Variants in ATP13A2 observed in about 807,000 individuals in gnomAD.
ATP13A2 encodes the protein polyamine-transporting ATPase 13A2.
A neutral mutation model predicts 138.3 loss-of-function variants in ATP13A2; 83 were observed. The ratio of observed to expected loss-of-function variants is 0.60; its 90% CI spans 0.50 to 0.72. The LOEUF (loss-of-function observed/expected upper bound fraction) is 0.72. Among genes scored for constraint, ATP13A2 ranks in the 30% least tolerant of loss-of-function variants. ATP13A2 has a pLI of 0.00. For missense variants in ATP13A2, 1,402 were observed against 1,606.4 expected, an observed-to-expected ratio of 0.87 and a Z score of 2.17; for synonymous variants, 663 against 699.0, an observed-to-expected ratio of 0.95 and a Z score of 0.81.
rs1224812478 is a variant in ATP13A2, at chr1:17,002,054, G to T, written c.685C>A (p.Pro229Thr). 4 of 1,613,186 alleles carry T rather than the reference G, an allele frequency of 2.5e-6. No homozygotes were observed. Among genetic ancestry groups the T allele is most frequent in the Non-Finnish European group, 3.4e-6 (4 of 1,179,564 alleles). Residue 229 changes from proline to threonine, a missense_variant, in exon 8 of 29, where the codon CCC (proline) becomes ACC (threonine). Transcript: ENST00000326735. ...NVISIPVKSYPQLLVDEALNP... is the reference protein window; with the variant it reads ...NVISIPVKSYTQLLVDEALNP... ...CCTACCTCGTCCACCAGCAGCTGGG[G>T]GTAGGACTTGACCGGTATGCTGATC...
At chr1:16,993,879 G>C (rs1302581080) in intron 15 of ATP13A2, 44 bp from the exon 16 acceptor site, 2 of 1,474,508 alleles carry the variant, frequency 1.4e-6, no homozygotes, top group South Asian at 1.3e-5. Context: ...TCCTGGGATG[G>C]GGGTACCCTG....
At chr1:16,988,548 T>C in intron 23 of ATP13A2, 74 bp from the exon 24 acceptor site, 2 of 1,604,750 alleles carry the variant, frequency 1.2e-6, no homozygotes, top group Non-Finnish European at 1.7e-6. Context: ...CAGAATATGA[T>C]GACAGCTGGG....
intron 10 of ATP13A2, 24 bp downstream of exon 10, chr1:17,000,222 G>A (rs769653520): frequency 8.2e-5 from 27 of 327,530 alleles, no homozygotes; most frequent in African/African-American, 4.9e-4. Flanking sequence ...TCCTGCCCCC[G>A]CCCCCTGGGC....
Position 16,992,579 on chromosome 1 carries a change from G to C in ATP13A2, c.1752C>G (p.Val584=). ...AGTCTGCAGCCGGCTCTTCCTCCAG[G>C]ACCTGGCAGGCAGGCAGGGAAGTTT... ...DLKMVESTGW[V]LEEEPAADSA... is the part of the protein sequence containing the mutation. Residue 584 remains valine (V), a splice_region_variant and synonymous_variant, in exon 17 of 29, where the codon GTC becomes GTG. Transcript: ENST00000326735. 1 of 1,614,208 alleles carries C rather than the reference G, an allele frequency of 6.2e-7. No homozygotes were observed. The highest frequency in any genetic ancestry group is 8.5e-7 in the Non-Finnish European group (1 of 1,180,010).
Position 17,000,320 on chromosome 1 carries a change from C to T in ATP13A2, c.841-8G>A, listed in dbSNP as rs1176000014. ...CCTTAGAGTCTGGCTTTGCTGTGGG[C>T]AGGGGACAAGAGGGCCGTGAGTGGG... On this transcript the variant is annotated splice_polypyrimidine_tract_variant and splice_region_variant and intron_variant, in intron 9 of 28. Transcript: ENST00000326735. 1 of 1,582,944 alleles carries T rather than the reference C, an allele frequency of 6.3e-7. No individual in the cohort carries two copies. Among genetic ancestry groups the T allele is most frequent in the Non-Finnish European group, 8.6e-7 (1 of 1,164,284 alleles).
At chr1:16,989,848 G>C (rs897837480) in intron 22 of ATP13A2, 39 bp downstream of exon 22, 4 of 1,609,492 alleles carry the variant, frequency 2.5e-6, no homozygotes, top group African/African-American at 2.7e-5. Context: ...ACAGAGCAGG[G>C]GAGGCGCAGG....
chr1:17,008,922 C>T (rs1003269142), intron 1 of ATP13A2, among the ~76,000 whole-genome samples: 2 of 149,614 alleles, frequency 1.3e-5, no homozygotes, highest in Non-Finnish European at 3.0e-5. Context: ...TGAGATCACG[C>T]CACTGCACTC....
chr1:16,997,414 C>CGGCGGGG (rs1424418496), intron 11 of ATP13A2, among the ~76,000 whole-genome samples: 5 of 56,618 alleles, frequency 8.8e-5, no homozygotes, highest in Admixed American at 1.9e-4. Flanking sequence ...CTGGAACCAG[C>CGGCGGGG]GGGGGGGGGT....
At chr1:17,009,971 C>T (rs1386101119) in intron 1 of ATP13A2, among the ~76,000 whole-genome samples, 1 of 152,230 alleles carries the variant, frequency 6.6e-6, no homozygotes, top group Non-Finnish European at 1.5e-5. Flanking sequence ...ACAGCCCAGT[C>T]TCCCCAGGGC....
intron 19 of ATP13A2, 26 bp downstream of exon 19, chr1:16,991,983 G>A (rs528907233): frequency 6.2e-7 from 1 of 1,610,524 alleles, no homozygotes; most frequent in South Asian, 1.1e-5. Context: ...AGTCCTCAGA[G>A]TGGGTGGGAC....
chr1:16,990,238 C>T lies in ATP13A2; in HGVS notation c.2301G>A (p.Val767=), dbSNP rs765505077. The change falls in exon 21 of 29, where the codon GTG becomes GTA. Residue 767 remains valine (V), a synonymous_variant. Transcript: ENST00000326735. ...AVTVARGCGM[V]APQEHLIIVH... ...CGATGATCAGATGCTCCTGGGGGGCCACCATGCCACAGCCCCGGGCCACAG... is the reference window on the plus strand; with the variant it reads ...CGATGATCAGATGCTCCTGGGGGGCTACCATGCCACAGCCCCGGGCCACAG... 5.0e-6 allele frequency: 8 copies of T among 1,613,898 alleles called. No individual in the cohort carries two copies. The highest frequency in any genetic ancestry group is 6.8e-6 in the Non-Finnish European group (8 of 1,180,036).
At chr1:16,999,832 T>C (rs1490233275) in intron 11 of ATP13A2, among the ~76,000 whole-genome samples, 179 bp downstream of exon 11, 1 of 151,820 alleles carries the variant, frequency 6.6e-6, no homozygotes, top group Admixed American at 6.6e-5. Flanking sequence ...ACCTGGGGGG[T>C]GGAGGCTGCA....
At chr1:16,991,956 A>T (rs886112385) in intron 19 of ATP13A2, 53 bp downstream of exon 19, 2 of 1,609,072 alleles carry the variant, frequency 1.2e-6, no homozygotes, top group Admixed American at 1.7e-5. Flanking sequence ...TGCCTGCGTG[A>T]GAGCCTCCCT....
In ATP13A2 at chr1:16,986,772, G is replaced by A. The variant is rs768397313; in HGVS notation, c.3235+33C>T. The stretch of plus-strand genomic sequence containing the variant: ...CACCCCAGGGCTCCTCCCTCCCTCC[G>A]CCAGCATCTCCCGCCCGCGCCCGCA... On this transcript the variant is annotated intron_variant, in intron 27 of 28. Transcript: ENST00000326735. The surrounding 1 kb of genome is among the most constrained non-coding windows in gnomAD (Gnocchi z 6.9). 3.9e-5 allele frequency: 62 copies of A among 1,602,178 alleles called. No individual in the cohort carries two copies. The African/African-American group carries it at 4.4e-4, about 11-fold the overall frequency.
At chr1:17,010,279 T>C (rs553772221) in intron 1 of ATP13A2, among the ~76,000 whole-genome samples, 1 of 152,274 alleles carries the variant, frequency 6.6e-6, no homozygotes, top group African/African-American at 2.4e-5. Context: ...GGTTTCCCCA[T>C]GTTGGCCAGA....
intron 16 of ATP13A2, 58 bp downstream of exon 16, chr1:16,993,570 TG>T: frequency 6.8e-7 from 1 of 1,467,560 alleles, no homozygotes; most frequent in Non-Finnish European, 9.3e-7. Flanking sequence ...GAAGACAGGG[TG>T]GGATTCGTTA....
At chr1:17,006,562 G>T (rs2077569408) in intron 1 of ATP13A2, among the ~76,000 whole-genome samples, 1 of 152,156 alleles carries the variant, frequency 6.6e-6, no homozygotes, top group South Asian at 2.1e-4. Flanking sequence ...GTAGTGTCTT[G>T]TTTCCTTGCG....
At position 17,005,901 on chromosome 1, in the gene ATP13A2, G is replaced by A. The variant is rs1265278588; in HGVS notation, c.11-123C>T. The A allele has an allele frequency of 4.2e-5, 35 of 828,354 alleles. No homozygotes were observed. In the South Asian group the frequency reaches 4.3e-4, roughly 10 times the overall value. The allele number at this position is 828,354 out of a possible 1,614,324, so 51.3% of individuals were successfully genotyped here. A position where few individuals can be genotyped will look rare whatever the true frequency, so the allele number is the denominator to read the frequency against. ...TGTAATCCCAGCACTTTGGGAGGCCGAGGCGGGTGGATCACCTGAGGTTAG... is the reference window on the plus strand; with the variant it reads ...TGTAATCCCAGCACTTTGGGAGGCCAAGGCGGGTGGATCACCTGAGGTTAG... On this transcript the variant is annotated intron_variant, in intron 1 of 28. Transcript: ENST00000326735.
chr1:16,986,009 G>A lies in ATP13A2; in HGVS notation c.*212C>T, dbSNP rs1335623859. ...GCTACACTGACAGCAGCACTGAGGGGAGCTGGGGGCTGCCACCCCTACGCG... is the reference window on the plus strand; with the variant it reads ...GCTACACTGACAGCAGCACTGAGGGAAGCTGGGGGCTGCCACCCCTACGCG... On this transcript the variant is annotated 3_prime_UTR_variant, in exon 29 of 29. Transcript: ENST00000326735. The surrounding 1 kb of genome is among the most constrained non-coding windows in gnomAD (Gnocchi z 6.9). 2 of 1,457,816 alleles carry A rather than the reference G, an allele frequency of 1.4e-6. No homozygotes were observed. Among genetic ancestry groups the A allele is most frequent in the Admixed American group, 2.8e-5 (1 of 35,442 alleles). The allele number at this position is 1,457,816 out of a possible 1,614,324, so 90.3% of individuals were successfully genotyped here. A position where few individuals can be genotyped will look rare whatever the true frequency, so the allele number is the denominator to read the frequency against.
Sources: allele counts gnomAD v4.1 joint callset (sites outside exome capture counted in the v4.1 genomes callset), GRCh38; gene constraint gnomAD v4.1.1; non-coding constraint Gnocchi (gnomAD v3.1); transcripts MANE v1.5; gene names NCBI Gene and HGNC (gene_info 2026-07-23, HGNC 2026-07-21).